SLC35D2: variants seen among roughly 807,000 people sequenced by gnomAD.
The protein encoded by SLC35D2 is nucleotide sugar transporter SLC35D2.
SLC35D2 carries 43 observed loss-of-function variants against 41.8 expected under a neutral mutation model. The ratio of observed to expected loss-of-function variants is 1.03; its 90% confidence interval spans 0.81 to 1.33. SLC35D2 has a LOEUF of 1.33. Among genes scored for constraint, SLC35D2 ranks in the 40% most tolerant of loss-of-function variants. The probability of loss-of-function intolerance (pLI) is 0.00; values close to 1 mark genes in which losing one functional copy is unlikely to be tolerated. For missense variants in SLC35D2, 380 were observed against 408.4 expected (o/e 0.93, Z 0.60); for synonymous variants, 150 against 163.9 (o/e 0.92, Z 0.65).
At chr9:96,324,549 C>CTTTTTTTTTTTT (rs57775451) in intron 9 of SLC35D2, among the ~76,000 whole-genome samples, 39 of 117,744 alleles carry the variant, frequency 3.3e-4, no homozygotes, top group Non-Finnish European at 5.0e-4. Flanking sequence ...GCCTGCTGCA[C>CTTTTTTTTTTTT]TTTTTTTTTT....
intron 1 of SLC35D2, among the ~76,000 whole-genome samples, chr9:96,373,748 C>A (rs1830814129): frequency 6.6e-6 from 1 of 151,496 alleles, no homozygotes; most frequent in South Asian, 2.1e-4. Context: ...CCCAAGGAAA[C>A]CCAGAAGTGT....
intron 9 of SLC35D2, among the ~76,000 whole-genome samples, chr9:96,329,237 A>C (rs1828695213): frequency 6.6e-6 from 1 of 152,002 alleles, no homozygotes; most frequent in African/African-American, 2.4e-5. Context: ...TTTTATATAT[A>C]TACTTTTTTT....
chr9:96,356,112 T>C (rs1587695957), intron 4 of SLC35D2, among the ~76,000 whole-genome samples: 1 of 152,274 alleles, frequency 6.6e-6, no homozygotes, highest in East Asian at 1.9e-4. Flanking sequence ...TGAAGGTTGA[T>C]TGTTAAAGGA....
chr9:96,326,891 T>C (rs1828560148), intron 9 of SLC35D2, among the ~76,000 whole-genome samples: 1 of 151,926 alleles, frequency 6.6e-6, no homozygotes, highest in Non-Finnish European at 1.5e-5. Flanking sequence ...CCAGGAGCTA[T>C]AAATAATCCT....
At chr9:96,341,640 T>C (rs755374201) in intron 8 of SLC35D2, among the ~76,000 whole-genome samples, 12 of 152,194 alleles carry the variant, frequency 7.9e-5, no homozygotes, top group Non-Finnish European at 1.6e-4. Flanking sequence ...CTATTATTAT[T>C]ATCACATGAG....
chr9:96,352,335 T>TTA (rs1259507997), intron 4 of SLC35D2, among the ~76,000 whole-genome samples: 1 of 152,194 alleles, frequency 6.6e-6, no homozygotes, highest in Non-Finnish European at 1.5e-5. Context: ...TATTTATTTT[T>TTA]TTTGGAGACA....
chr9:96,355,165 G>C (rs1393513706), intron 4 of SLC35D2, among the ~76,000 whole-genome samples: 5 of 151,530 alleles, frequency 3.3e-5, no homozygotes, highest in Non-Finnish European at 7.4e-5. Context: ...ATTTAGGTGT[G>C]CACTACCATG....
intron 4 of SLC35D2, among the ~76,000 whole-genome samples, chr9:96,353,814 T>G (rs1338010067): frequency 6.6e-6 from 1 of 152,212 alleles, no homozygotes; most frequent in African/African-American, 2.4e-5. Context: ...GTCAACAGAC[T>G]GCCAGGGCTG....
At chr9:96,325,418 C>T (rs1467411842) in intron 9 of SLC35D2, among the ~76,000 whole-genome samples, 1 of 152,180 alleles carries the variant, frequency 6.6e-6, no homozygotes, top group Non-Finnish European at 1.5e-5. Flanking sequence ...CACGGTGGCT[C>T]ATGCCCATAA....
chr9:96,332,609 T>C (rs913754364), intron 9 of SLC35D2, among the ~76,000 whole-genome samples: 3 of 151,942 alleles, frequency 2.0e-5, no homozygotes, highest in Non-Finnish European at 4.4e-5. Context: ...TGAAACCCTG[T>C]CTCTGCTAAA....
chr9:96,366,098 T>C (rs1286223035), intron 2 of SLC35D2, among the ~76,000 whole-genome samples: 1 of 151,834 alleles, frequency 6.6e-6, no homozygotes, highest in African/African-American at 2.4e-5. Context: ...AGCCCAGAAG[T>C]TCAAGACCAG....
chr9:96,366,366 A>G (rs980380010), intron 2 of SLC35D2, among the ~76,000 whole-genome samples: 4 of 151,862 alleles, frequency 2.6e-5, no homozygotes, highest in African/African-American at 9.7e-5. Context: ...CTAACACTTA[A>G]ATGTAATTCA....
chr9:96,318,212 C>T (rs1207564987), downstream of SLC35D2, among the ~76,000 whole-genome samples: 1 of 152,136 alleles, frequency 6.6e-6, no homozygotes, highest in Non-Finnish European at 1.5e-5. Flanking sequence ...GTAATCCCTA[C>T]ACTTTAGGAG....
intron 8 of SLC35D2, among the ~76,000 whole-genome samples, chr9:96,342,705 C>T (rs1039397434): frequency 6.6e-6 from 1 of 152,102 alleles, no homozygotes; most frequent in Non-Finnish European, 1.5e-5. Context: ...TGTTTGTGCC[C>T]GGGGACGAGG....
At chr9:96,318,080 C>G (rs1207351295), downstream of SLC35D2, among the ~76,000 whole-genome samples, 1 of 147,926 alleles carries the variant, frequency 6.8e-6, no homozygotes, top group Non-Finnish European at 1.5e-5. Flanking sequence ...ACTCCAGAAG[C>G]CTTTTAATTA....
At chr9:96,352,425 G>A (rs537859874) in intron 4 of SLC35D2, among the ~76,000 whole-genome samples, 3 of 151,866 alleles carry the variant, frequency 2.0e-5, no homozygotes, top group African/African-American at 4.8e-5. Context: ...GGGTTCAAGC[G>A]ATTCTCCTGC....
intron 9 of SLC35D2, among the ~76,000 whole-genome samples, chr9:96,331,863 G>A (rs112295544): frequency 2.6e-5 from 4 of 152,180 alleles, no homozygotes; most frequent in East Asian, 1.9e-4. Flanking sequence ...TGTGAACTGC[G>A]CATTTGAGGG....
intron 3 of SLC35D2, among the ~76,000 whole-genome samples, chr9:96,363,089 G>A (rs1830341746): frequency 6.6e-6 from 1 of 151,574 alleles, no homozygotes; most frequent in Admixed American, 6.6e-5. Flanking sequence ...GGCTGGTCTT[G>A]ATCTCTTGAA....
intron 1 of SLC35D2, among the ~76,000 whole-genome samples, chr9:96,368,898 G>T (rs965420922): frequency 6.6e-6 from 1 of 152,028 alleles, no homozygotes; most frequent in Non-Finnish European, 1.5e-5. Flanking sequence ...CCGAGTAGCT[G>T]GGACTATAGG....
Sources: allele counts gnomAD v4.1 joint callset (sites outside exome capture counted in the v4.1 genomes callset), GRCh38; gene constraint gnomAD v4.1.1; transcripts MANE v1.5; gene names NCBI Gene and HGNC (gene_info 2026-07-23, HGNC 2026-07-21).